The following TEX2 variants were observed in gnomAD, a reference collection of about 807,000 sequenced individuals.
The protein encoded by TEX2 is testis-expressed protein 2.
A neutral mutation model predicts 106.9 loss-of-function variants in TEX2; 53 were observed. That is an observed-to-expected ratio of 0.50 (90% CI 0.40 to 0.62). The LOEUF is 0.62. Ranked by LOEUF, TEX2 falls within the 20% of genes least tolerant of loss-of-function variation. TEX2 has a pLI of 0.00. For synonymous variants in TEX2, 523 were observed against 534.8 expected (o/e 0.98, Z 0.30); for missense variants, 1,207 against 1,379.0 (o/e 0.88, Z 1.98).
At chr17:64,239,875 CAAAAAAAAAAAAA>C (rs61705973) in intron 1 of TEX2, among the ~76,000 whole-genome samples, 8 of 29,650 alleles carry the variant, frequency 2.7e-4, no homozygotes, top group Non-Finnish European at 4.0e-4. Flanking sequence ...GACTCTGTCT[CAAAAAAAAAAAAA>C]AAAAAAAAAA....
chr17:64,157,820 C>A (rs2030700868), intron 8 of TEX2, among the ~76,000 whole-genome samples: 1 of 152,170 alleles, frequency 6.6e-6, no homozygotes, highest in Admixed American at 6.5e-5. Flanking sequence ...AACTAGTAAC[C>A]CAAAAGAGGT....
At chr17:64,176,850 T>C (rs1434827426) in intron 6 of TEX2, among the ~76,000 whole-genome samples, 3 of 152,192 alleles carry the variant, frequency 2.0e-5, no homozygotes, top group Admixed American at 6.5e-5. Context: ...CCTCAGTCAG[T>C]ATACTAAGAG....
At position 64,181,466 on chromosome 17, in the gene TEX2, C is replaced by T. The variant is rs1262486651; in HGVS notation, c.2425-3995G>A. ...ACTCCACCCTGGCCACAGAGCAAGG[C>T]TATCTCAAAAAAAAAAAAAAAAAAA... On this transcript the variant is annotated intron_variant, in intron 5 of 11. Coordinates refer to ENST00000584379, the MANE Select transcript of TEX2 (RefSeq NM_001288732.2). Among the ~76,000 whole-genome samples, 4 of 56,818 alleles carry T rather than the reference C, an allele frequency of 7.0e-5. No individual in the cohort carries two copies. The East Asian group carries it at 2.3e-3, about 32-fold the overall frequency. 37.3% of individuals were successfully genotyped at this position (56,818 alleles called of 152,430 possible). A position where few individuals can be genotyped will look rare whatever the true frequency, so the allele number is the denominator to read the frequency against.
intron 5 of TEX2, among the ~76,000 whole-genome samples, chr17:64,181,417 A>AG: frequency 7.4e-6 from 1 of 134,478 alleles, no homozygotes; most frequent in African/African-American, 2.8e-5. Flanking sequence ...CAGAGGTTGC[A>AG]GTGGGCCGAG....
chr17:64,203,540 C>T (rs2032737425), intron 2 of TEX2, among the ~76,000 whole-genome samples: 1 of 152,084 alleles, frequency 6.6e-6, no homozygotes, highest in Non-Finnish European at 1.5e-5. Context: ...GTATCAGAAA[C>T]ACAGCACCAT....
chr17:64,170,750 A>T (rs886863249), intron 7 of TEX2, among the ~76,000 whole-genome samples: 1 of 146,082 alleles, frequency 6.8e-6, no homozygotes, highest in Non-Finnish European at 1.5e-5. Flanking sequence ...CTCCTGCCTC[A>T]GCCTCCTGAG....
At chr17:64,149,961 G>T (rs1332917159) in intron 11 of TEX2, 1 of 150,452 alleles carries the variant, frequency 6.6e-6, no homozygotes, top group Admixed American at 6.6e-5. Flanking sequence ...AAAAATAAAA[G>T]GCATGATGTT....
chr17:64,168,319 C>A (rs1314906351), intron 7 of TEX2, among the ~76,000 whole-genome samples: 1 of 152,184 alleles, frequency 6.6e-6, no homozygotes, highest in Non-Finnish European at 1.5e-5. Context: ...TTTGATCAAA[C>A]TTTGAAAACC....
At chr17:64,176,449 C>T (rs2031621123) in intron 6 of TEX2, among the ~76,000 whole-genome samples, 1 of 152,172 alleles carries the variant, frequency 6.6e-6, no homozygotes, top group African/African-American at 2.4e-5. Context: ...TAGGCTTCTG[C>T]TTCTCAAAAA....
chr17:64,236,806 C>G (rs376652995), intron 1 of TEX2, among the ~76,000 whole-genome samples: 1 of 152,218 alleles, frequency 6.6e-6, no homozygotes, highest in Non-Finnish European at 1.5e-5. Flanking sequence ...AGATCTATGG[C>G]TCTCTTAATT....
chr17:64,192,361 G>A (rs2032330497), intron 4 of TEX2, among the ~76,000 whole-genome samples: 1 of 152,230 alleles, frequency 6.6e-6, no homozygotes, highest in Admixed American at 6.5e-5. Context: ...CAGAGCCACT[G>A]ACAGACAATG....
chr17:64,248,291 A>AG (rs1555636496), intron 1 of TEX2, among the ~76,000 whole-genome samples: 1 of 152,246 alleles, frequency 6.6e-6, no homozygotes, highest in Non-Finnish European at 1.5e-5. Flanking sequence ...TTTGGGAGAA[A>AG]AGAATCTATT....
intron 1 of TEX2, among the ~76,000 whole-genome samples, chr17:64,220,904 A>G (rs1178360622): frequency 6.6e-6 from 1 of 152,226 alleles, no homozygotes; most frequent in East Asian, 1.9e-4. Context: ...ATGCACACAT[A>G]CGTTCACTGC....
intron 6 of TEX2, among the ~76,000 whole-genome samples, chr17:64,173,514 T>G (rs1045172856): frequency 2.0e-5 from 3 of 152,208 alleles, no homozygotes; most frequent in African/African-American, 7.2e-5. Context: ...AATCAGAGAA[T>G]GTAATCTCTG....
At chr17:64,188,024 C>G (rs2032141970) in intron 5 of TEX2, 144 bp downstream of exon 5, 3 of 900,960 alleles carry the variant, frequency 3.3e-6, no homozygotes, top group Non-Finnish European at 5.0e-6. Flanking sequence ...GAGTAGATTA[C>G]AAGTTCCCCA....
intron 1 of TEX2, among the ~76,000 whole-genome samples, chr17:64,251,379 C>T (rs550183312): frequency 2.7e-4 from 41 of 152,320 alleles, no homozygotes; most frequent in Non-Finnish European, 5.0e-4. Flanking sequence ...AATTACTATA[C>T]ATTAATACAA....
chr17:64,182,818 T>C (rs1246887782), intron 5 of TEX2, among the ~76,000 whole-genome samples: 2 of 152,176 alleles, frequency 1.3e-5, no homozygotes, highest in African/African-American at 4.8e-5. Context: ...AACTTATTTT[T>C]ATTGCATAAT....
At chr17:64,161,398 T>C (rs1318442936) in intron 7 of TEX2, among the ~76,000 whole-genome samples, 1 of 152,222 alleles carries the variant, frequency 6.6e-6, no homozygotes, top group Non-Finnish European at 1.5e-5. Flanking sequence ...TGAGAACCGC[T>C]GTCTTTCTTA....
Position 64,215,908 on chromosome 17 carries a change from G to A in TEX2, c.-25-1666C>T, listed in dbSNP as rs572453536. The stretch of plus-strand genomic sequence containing the variant: ...AATGGGTAGGGGAATAAGGGGGTTT[G>A]GGAAACAGTGATCCTGGATCACTAG... On this transcript the variant is annotated intron_variant, in intron 1 of 11. Transcript: ENST00000584379. 8.5e-5 allele frequency among the ~76,000 whole-genome samples: 13 copies of A among 152,302 alleles called. No individual in the cohort carries two copies. The South Asian group carries it at 2.5e-3, about 29-fold the overall frequency.
Sources: allele counts gnomAD v4.1 joint callset (sites outside exome capture counted in the v4.1 genomes callset), GRCh38; gene constraint gnomAD v4.1.1; transcripts MANE v1.5; gene names NCBI Gene and HGNC (gene_info 2026-07-23, HGNC 2026-07-21).